The following ANKHD1 variants were observed in gnomAD, a reference collection of about 807,000 sequenced individuals.
ANKHD1 encodes ankyrin repeat and KH domain-containing protein 1.
A neutral mutation model predicts 230.5 loss-of-function variants in ANKHD1; 31 were observed. The observed-to-expected ratio is 0.13, with a 90% CI of 0.10 to 0.18. The LOEUF (loss-of-function observed/expected upper bound fraction) is 0.18. ANKHD1 is among the 10% of genes least tolerant of loss of function. The pLI, the probability that ANKHD1 is intolerant of heterozygous loss-of-function variation, is 1.00. For missense variants in ANKHD1, 2,256 were observed against 3,071.3 expected (o/e 0.73, Z 6.27); for synonymous variants, 1,074 against 1,117.6 (o/e 0.96, Z 0.78).
intron 9 of ANKHD1, 64 bp from the exon 10 acceptor site, chr5:140,464,603 A>C: frequency 1.5e-6 from 2 of 1,358,124 alleles, no homozygotes; most frequent in Admixed American, 2.7e-5. Flanking sequence ...CCAGATTGCA[A>C]AATTGGACTA....
Position 140,402,048 on chromosome 5 carries a change from G to T in ANKHD1, c.81G>T (p.Gly27=). The T allele has an allele frequency of 6.7e-7, 1 of 1,494,044 alleles. No homozygotes were observed. The highest frequency in any genetic ancestry group is 1.3e-5 in the South Asian group (1 of 74,252). The allele number at this position is 1,494,044 out of a possible 1,614,324, so 92.5% of individuals were successfully genotyped here. A position where few individuals can be genotyped will look rare whatever the true frequency, so the allele number is the denominator to read the frequency against. Residue 27 remains glycine (G), a synonymous_variant, in exon 1 of 34, where the codon GGG becomes GGT. Coordinates refer to ENST00000360839, the MANE Select transcript of ANKHD1 (RefSeq NM_017747.3). ...DSVAPRSAPA[G]ASEPPPPGGV... ...TGGCTCCGCGATCCGCCCCAGCTGG[G>T]GCCTCGGAGCCGCCTCCGCCGGGAG... is the stretch of plus-strand genomic sequence containing the variant.
At position 140,496,949 on chromosome 5, in the gene ANKHD1, A is replaced by G. The variant is rs1752064965; in HGVS notation, c.2675A>G (p.His892Arg). The change falls in exon 15 of 34, where the codon CAC becomes CGC. Residue 892 changes from histidine (H) to arginine (R), a missense_variant. By Grantham distance (29) the His-to-Arg change is conservative (BLOSUM62 0). This residue lies in a region of ANKHD1 where 358 missense variants were observed against 397.7 expected (regional missense o/e 0.90). Coordinates refer to ENST00000360839, the MANE Select transcript of ANKHD1 (RefSeq NM_017747.3). ...GGAGATGGTAGTCTCCCAGAGGATC[A>G]CTTTTCAGAGTTACCTCAGGTTGAC... is the stretch of plus-strand genomic sequence containing the variant. ...GEGDGSLPEDHFSELPQVDTI... is the reference protein window; with the variant it reads ...GEGDGSLPEDRFSELPQVDTI... 2 of 1,614,190 alleles carry G rather than the reference A, an allele frequency of 1.2e-6. No homozygotes were observed. The highest frequency in any genetic ancestry group is 2.7e-5 in the African/African-American group (2 of 75,054).
chr5:140,458,804 C>T lies in ANKHD1; in HGVS notation c.1422C>T (p.Pro474=). 1 of 1,613,036 alleles carries T rather than the reference C, an allele frequency of 6.2e-7. No individual in the cohort carries two copies. The highest frequency in any genetic ancestry group is 8.5e-7 in the Non-Finnish European group (1 of 1,179,676). ...LEEVNDEGYT[P]LMEAAREGHE... is the part of the protein sequence containing the mutation. ...AAGTTAATGATGAAGGATACACTCC[C>T]TTGATGGAAGCTGCCCGGGAAGGAC... is the stretch of plus-strand genomic sequence containing the variant. Residue 474 remains proline (P), a synonymous_variant, in exon 8 of 34, where the codon CCC becomes CCT. Coordinates refer to ENST00000360839, the MANE Select transcript of ANKHD1 (RefSeq NM_017747.3).
Position 140,496,822 on chromosome 5 carries a change from C to G in ANKHD1, c.2548C>G (p.Gln850Glu). 1 of 1,614,072 alleles carries G rather than the reference C, an allele frequency of 6.2e-7. No individual in the cohort carries two copies. The highest frequency in any genetic ancestry group is 8.5e-7 in the Non-Finnish European group (1 of 1,180,018). Residue 850 changes from glutamine (Q) to glutamate (E), a missense_variant, in exon 15 of 34, where the codon CAG (glutamine) becomes GAG (glutamate). By Grantham distance (29) the Gln-to-Glu change is conservative. Coordinates refer to ENST00000360839, the MANE Select transcript of ANKHD1 (RefSeq NM_017747.3). ...GGAAAGGCAGTTGCAGATGAAAACA[C>G]AGCAGCAATTTACCAAAGAATACTT... Reference protein sequence around the residue: ...KVERQLQMKTQQQFTKEYLET... With the variant: ...KVERQLQMKTEQQFTKEYLET...
Position 140,465,056 on chromosome 5 carries a change from G to A in ANKHD1, c.1782+280G>A, listed in dbSNP as rs190525498. On this transcript the variant is annotated intron_variant, in intron 10 of 33. Coordinates refer to ENST00000360839, the MANE Select transcript of ANKHD1 (RefSeq NM_017747.3). ...TCCTGTGCTTTTTAAACTGCCATCT[G>A]TTAGATATATCATAAATTCAATGAT... 2.6e-5 allele frequency: 5 copies of A among 195,706 alleles called. No homozygotes were observed. In the East Asian group the frequency reaches 4.6e-4, roughly 18 times the overall value. 12.1% of individuals were successfully genotyped at this position (195,706 alleles called of 1,614,324 possible).
At chr5:140,423,958 G>T (rs951049484) in intron 1 of ANKHD1, among the ~76,000 whole-genome samples, 1 of 152,102 alleles carries the variant, frequency 6.6e-6, no homozygotes, top group African/African-American at 2.4e-5. Context: ...ATGCTGTCTT[G>T]TCATTCTGTC....
At chr5:140,486,033 A>G in intron 13 of ANKHD1, 1 of 288,338 alleles carries the variant, frequency 3.5e-6, no homozygotes, top group African/African-American at 2.2e-5. Flanking sequence ...TTGTTTTTTA[A>G]CAAGAGAATC....
chr5:140,485,359 C>A lies in ANKHD1; in HGVS notation c.1998+111C>A. Reference sequence around the variant, plus strand: ...ATCACTTGAGCCCAGGAGTTTGAGACTAGTCTAGGCAACATAAGGAGACCC... The same window carrying A: ...ATCACTTGAGCCCAGGAGTTTGAGAATAGTCTAGGCAACATAAGGAGACCC... On this transcript the variant is annotated intron_variant, in intron 12 of 33. Coordinates refer to ENST00000360839, the MANE Select transcript of ANKHD1 (RefSeq NM_017747.3). The surrounding 1 kb of genome is among the most constrained non-coding windows in gnomAD (Gnocchi z 4.8). The A allele has an allele frequency of 7.1e-7, 1 of 1,417,282 alleles. No individual in the cohort carries two copies. Among genetic ancestry groups the A allele is most frequent in the Non-Finnish European group, 9.2e-7 (1 of 1,084,104 alleles). 87.8% of individuals were successfully genotyped at this position (1,417,282 alleles called of 1,614,324 possible). A position where few individuals can be genotyped will look rare whatever the true frequency, so the allele number is the denominator to read the frequency against.
intron 24 of ANKHD1, among the ~76,000 whole-genome samples, chr5:140,518,561 C>G (rs2127072845): frequency 6.7e-6 from 1 of 148,964 alleles, no homozygotes; most frequent in African/African-American, 2.5e-5. Flanking sequence ...CAAACCGAAT[C>G]CAGCAGCACA....
At chr5:140,478,980 T>C (rs1371785460) in intron 10 of ANKHD1, among the ~76,000 whole-genome samples, 1 of 109,308 alleles carries the variant, frequency 9.1e-6, no homozygotes, top group Non-Finnish European at 1.8e-5. Context: ...TTTTATTTTA[T>C]TTATTTTTTT....
chr5:140,507,680 A>G lies in ANKHD1; in HGVS notation c.3552-105A>G. 3 of 1,298,612 alleles carry G rather than the reference A, an allele frequency of 2.3e-6. No homozygotes were observed. Among genetic ancestry groups the G allele is most frequent in the Non-Finnish European group, 3.2e-6 (3 of 949,950 alleles). The allele number at this position is 1,298,612 out of a possible 1,614,324, so 80.4% of individuals were successfully genotyped here. ...CGAAACAAGTAAAATCTATTCATTG[A>G]TGTTAGAAACCTCTCTTTTTAGTGA... On this transcript the variant is annotated intron_variant, in intron 19 of 33. Transcript: ENST00000360839. This position sits in a 1 kb window ranked among gnomAD's most constrained non-coding sequence, Gnocchi z 4.1.
At chr5:140,466,075 TA>T (rs1231299892) in intron 10 of ANKHD1, among the ~76,000 whole-genome samples, 1 of 152,198 alleles carries the variant, frequency 6.6e-6, no homozygotes, top group Non-Finnish European at 1.5e-5. Context: ...GTCACTGTCT[TA>T]ACCTGTTGGG....
intron 14 of ANKHD1, among the ~76,000 whole-genome samples, chr5:140,489,950 G>C (rs1001061672): frequency 2.0e-5 from 3 of 152,164 alleles, no homozygotes; most frequent in African/African-American, 7.2e-5. Context: ...ATGTTGCTAT[G>C]AATTAGGAAA....
At chr5:140,479,630 A>G (rs1751159516) in intron 10 of ANKHD1, among the ~76,000 whole-genome samples, 1 of 151,226 alleles carries the variant, frequency 6.6e-6, no homozygotes, top group Non-Finnish European at 1.5e-5. Context: ...ATATACATAT[A>G]TGTGTTCCCA....
In ANKHD1 at chr5:140,504,816, T is replaced by C; in HGVS notation, c.3005-5T>C. 1 of 1,607,828 alleles carries C rather than the reference T, an allele frequency of 6.2e-7. No individual in the cohort carries two copies. The highest frequency in any genetic ancestry group is 2.2e-5 in the East Asian group (1 of 44,832). Reference sequence around the variant, plus strand: ...GAATTTAGCAATATGAATATTGTTTTTCAGCTGTGAGTACCAGAGTGCCCA... The same window carrying C: ...GAATTTAGCAATATGAATATTGTTTCTCAGCTGTGAGTACCAGAGTGCCCA... On this transcript the variant is annotated splice_region_variant and splice_polypyrimidine_tract_variant and intron_variant, in intron 15 of 33. Coordinates refer to ENST00000360839, the MANE Select transcript of ANKHD1 (RefSeq NM_017747.3).
At position 140,527,908 on chromosome 5, in the gene ANKHD1, C is replaced by A; in HGVS notation, c.5123C>A (p.Ser1708Ter). The change falls in exon 28 of 34, where the codon TCG (serine) becomes TAG (stop). Residue 1708 changes from serine (S) to a stop codon, truncating the protein, a stop_gained. Transcript: ENST00000360839. LOFTEE classifies it high-confidence loss of function. This position sits in a 1 kb window ranked among gnomAD's most constrained non-coding sequence, Gnocchi z 4.5. ...KKLSVPASVV[S>*]RIMGRGGCNI... ...TTGTCTGTTCCAGCCTCAGTGGTGT[C>A]GAGGATAATGGGAAGAGGAGGATGC... 6.2e-7 allele frequency: 1 copy of A among 1,613,622 alleles called. No individual in the cohort carries two copies. Among genetic ancestry groups the A allele is most frequent in the East Asian group, 2.2e-5 (1 of 44,824 alleles).
intron 29 of ANKHD1, among the ~76,000 whole-genome samples, chr5:140,535,111 T>C (rs1377499277): frequency 6.6e-6 from 1 of 152,180 alleles, no homozygotes; most frequent in Non-Finnish European, 1.5e-5. Flanking sequence ...CTCTTAAACA[T>C]TGAGCCCATT....
In ANKHD1 at chr5:140,436,197, G is replaced by T; in HGVS notation, c.400G>T (p.Asp134Tyr). The change falls in exon 2 of 34, where the codon GAC becomes TAC. Residue 134 changes from aspartate (D) to tyrosine (Y), a missense_variant. Asp to Tyr is a radical substitution (Grantham distance 160). Coordinates refer to ENST00000360839, the MANE Select transcript of ANKHD1 (RefSeq NM_017747.3). ...CTTATCAAGTACTGCAGAAGGAGCA[G>T]ACTTACGCACTGTGGATCCAGAGAC... The part of the protein sequence containing the change: ...IFLSSTAEGA[D>Y]LRTVDPETQA... 6.2e-7 allele frequency: 1 copy of T among 1,610,722 alleles called. No homozygotes were observed. The highest frequency in any genetic ancestry group is 1.1e-5 in the South Asian group (1 of 90,346).
intron 1 of ANKHD1, among the ~76,000 whole-genome samples, chr5:140,409,335 A>G (rs978351836): frequency 1.3e-5 from 2 of 152,188 alleles, no homozygotes; most frequent in African/African-American, 2.4e-5. Flanking sequence ...CTTAAAATAT[A>G]TTATTTTTCA....
Sources: gnomAD v4.1 joint callset for allele counts (sites outside exome capture counted in the v4.1 genomes callset) on GRCh38, gnomAD v4.1.1 for gene constraint, gnomAD v4.1.1 regional missense constraint, Gnocchi (gnomAD v3.1) non-coding constraint, MANE v1.5 for transcripts, NCBI Gene and HGNC (gene_info 2026-07-23, HGNC 2026-07-21) for gene names.